The following ADGRG3 variants were observed in gnomAD, a reference collection of about 807,000 sequenced individuals.
The protein encoded by ADGRG3 is adhesion G protein-coupled receptor G3, also known as G protein-coupled receptor 97.
In ADGRG3, 39 loss-of-function variants were observed where a neutral mutation model predicts 54.3. The observed-to-expected ratio is 0.72, with a 90% CI of 0.56 to 0.94. The LOEUF (loss-of-function observed/expected upper bound fraction) is 0.94. Among genes scored for constraint, ADGRG3 ranks in the 40% least tolerant of loss-of-function variants. The probability of loss-of-function intolerance (pLI) is 0.00; values close to 1 mark genes in which losing one functional copy is unlikely to be tolerated. For missense variants in ADGRG3, 654 were observed against 694.6 expected (o/e 0.94, Z 0.66); for synonymous variants, 312 against 290.0 (o/e 1.08, Z -0.77).
At chr16:57,685,990 G>A (rs1440801932) in intron 11 of ADGRG3, 64 bp downstream of exon 11, 1 of 1,524,476 alleles carries the variant, frequency 6.6e-7, no homozygotes, top group South Asian at 1.2e-5. Flanking sequence ...ATTGGGAGGT[G>A]GGGAAGAGGG....
chr16:57,679,509 G>A (rs1253413192), intron 5 of ADGRG3, among the ~76,000 whole-genome samples, 198 bp downstream of exon 5: 6 of 152,096 alleles, frequency 3.9e-5, no homozygotes, highest in Non-Finnish European at 7.4e-5. Flanking sequence ...GACCTGGCAA[G>A]CCCACCTGCA....
chr16:57,668,662 GGGAGGTC>G (rs767912928), intron 1 of ADGRG3, among the ~76,000 whole-genome samples: 63 of 152,336 alleles, frequency 4.1e-4, no homozygotes, highest in Non-Finnish European at 8.7e-4. Context: ...CTGGAGATAG[GGGAGGTC>G]GGAGGGTGCT....
chr16:57,666,452 C>T (rs1490386155), upstream of ADGRG3, among the ~76,000 whole-genome samples: 1 of 152,180 alleles, frequency 6.6e-6, no homozygotes, highest in Admixed American at 6.5e-5. Flanking sequence ...GTGGGATCGC[C>T]CTTTCTGCCA....
chr16:57,678,292 C>T lies in ADGRG3; in HGVS notation c.468C>T (p.Asp156=), dbSNP rs775733262. The change falls in exon 4 of 12, where the codon GAC becomes GAT. Residue 156 remains aspartate, a synonymous_variant. Coordinates refer to ENST00000333493, the MANE Select transcript of ADGRG3 (RefSeq NM_170776.5). The part of the protein sequence containing the change: ...SVVRLAVTIL[D]IGPGTLFKGP... ...TCCGCTTGGCCGTCACCATTCTGGA[C>T]ATTGGTCCAGGGACTCTCTTCAAGG... The T allele has an allele frequency of 4.3e-6, 7 of 1,614,216 alleles. No homozygotes were observed. The South Asian group carries it at 5.5e-5, about 13-fold the overall frequency.
rs1278956455 is a variant in ADGRG3 at position 57,678,153 on chromosome 16, T to C, written c.346-17T>C. ...GGGGGTGGGTACAGATGGGAGCTGC[T>C]GTGTCTGTGGTTGTAGGTTCCGAGG... On this transcript the variant is annotated splice_polypyrimidine_tract_variant and intron_variant, in intron 3 of 11. Transcript: ENST00000333493. The C allele has an allele frequency of 1.9e-6, 3 of 1,613,422 alleles. No individual in the cohort carries two copies. The highest frequency in any genetic ancestry group is 2.5e-6 in the Non-Finnish European group (3 of 1,179,652).
chr16:57,684,730 A>T (rs542303016), intron 10 of ADGRG3, among the ~76,000 whole-genome samples: 5 of 152,326 alleles, frequency 3.3e-5, no homozygotes, highest in Admixed American at 2.6e-4. Context: ...AGGAGGCAGG[A>T]TGCCTTACTT....
intron 1 of ADGRG3, among the ~76,000 whole-genome samples, chr16:57,669,139 C>T (rs372328533): frequency 2.1e-4 from 32 of 152,308 alleles, no homozygotes; most frequent in African/African-American, 7.5e-4. Flanking sequence ...GGTGCTCCCC[C>T]GTTAGTGCTC....
rs115509180 is a variant in ADGRG3 at position 57,682,488 on chromosome 16, T to C, written c.882-1444T>C. The stretch of plus-strand genomic sequence containing the variant: ...CCCCTCACCCCCACCCTCCAAGCCC[T>C]GGCCTAGGACATGGTCCCCATCCCC... On this transcript the variant is annotated intron_variant, in intron 8 of 11. Transcript: ENST00000333493. The C allele has an allele frequency of 8.5e-3, 8,412 of 985,210 alleles. 410 individuals carry two copies. The East Asian group carries it at 0.18, about 22-fold the overall frequency. The allele number at this position is 985,210 out of a possible 1,614,324, so 61.0% of individuals were successfully genotyped here. A position where few individuals can be genotyped will look rare whatever the true frequency, so the allele number is the denominator to read the frequency against.
chr16:57,668,388 TCCTGCTCCC>T lies in ADGRG3; in HGVS notation c.42_50del (p.Leu15_Pro17del). 1 of 1,575,084 alleles carries T rather than the reference TCCTGCTCCC, an allele frequency of 6.3e-7. No individual in the cohort carries two copies. The highest frequency in any genetic ancestry group is 8.6e-7 in the Non-Finnish European group (1 of 1,168,032). On this transcript the variant is annotated inframe_deletion, in exon 1 of 12. Coordinates refer to ENST00000333493, the MANE Select transcript of ADGRG3 (RefSeq NM_170776.5). The stretch of plus-strand genomic sequence containing the variant: ...GGCCTGGGGGCCCTGCTCCTGCTCC[TCCTGCTCCC>T]GACCTCAGGTGAGTGGCTGGCACCT...
intron 8 of ADGRG3, among the ~76,000 whole-genome samples, chr16:57,683,016 C>T (rs954756939): frequency 6.6e-6 from 1 of 152,330 alleles, no homozygotes; most frequent in Non-Finnish European, 1.5e-5. Flanking sequence ...CAGTTCAGCT[C>T]AGGCTAAGGG....
At position 57,676,308 on chromosome 16, in the gene ADGRG3, A is replaced by C; in HGVS notation, c.315A>C (p.Glu105Asp). 6.2e-7 allele frequency: 1 copy of C among 1,614,194 alleles called. No individual in the cohort carries two copies. Among genetic ancestry groups the C allele is most frequent in the Non-Finnish European group, 8.5e-7 (1 of 1,180,016 alleles). ...LVQNLSTNTA[E>D]DFYFSLEPSQ... is the part of the protein sequence containing the mutation. ...AGAACCTCAGCACCAACACTGCAGA[A>C]GACTTCTATTTCTCTCTGGAGCCCT... Residue 105 changes from glutamate to aspartate, a missense_variant, in exon 3 of 12, where the codon GAA (glutamate) becomes GAC (aspartate). Glu to Asp is a conservative substitution (Grantham distance 45). Transcript: ENST00000333493.
At position 57,676,327 on chromosome 16, in the gene ADGRG3, G is replaced by T; in HGVS notation, c.334G>T (p.Glu112Ter). 1 of 1,614,124 alleles carries T rather than the reference G, an allele frequency of 6.2e-7. No individual in the cohort carries two copies. The change falls in exon 3 of 12, where the codon GAG becomes TAG. Residue 112 changes from glutamate to a stop codon, truncating the protein, a stop_gained. Transcript: ENST00000333493. LOFTEE classifies it high-confidence loss of function. The stretch of plus-strand genomic sequence containing the variant: ...TGCAGAAGACTTCTATTTCTCTCTG[G>T]AGCCCTCTCAGGTGAAGAGCTCCCC... Reference protein sequence around the residue: ...NTAEDFYFSLEPSQVPRQVMK... With the variant: ...NTAEDFYFSL
chr16:57,667,405 C>A (rs987008040), upstream of ADGRG3, among the ~76,000 whole-genome samples: 1 of 152,188 alleles, frequency 6.6e-6, no homozygotes, highest in Non-Finnish European at 1.5e-5. Context: ...GAGTGGCTGG[C>A]GCCCTAATTC....
chr16:57,682,645 A>G, intron 8 of ADGRG3: 1 of 985,256 alleles, frequency 1.0e-6, no homozygotes, highest in Non-Finnish European at 1.2e-6. Flanking sequence ...ACATGATCCC[A>G]GATGCTCCTC....
intron 2 of ADGRG3, among the ~76,000 whole-genome samples, chr16:57,674,243 C>T (rs189136714): frequency 3.6e-4 from 54 of 151,882 alleles, no homozygotes; most frequent in African/African-American, 1.1e-3. Flanking sequence ...GCATTGCGTG[C>T]TTGGAAAGGA....
At chr16:57,679,620 G>A (rs945249614) in intron 5 of ADGRG3, among the ~76,000 whole-genome samples, 196 bp from the exon 6 acceptor site, 2 of 152,022 alleles carry the variant, frequency 1.3e-5, no homozygotes, top group African/African-American at 4.8e-5. Flanking sequence ...CACCACAGTC[G>A]CACGCTTCAC....
rs2048349806 is a variant in ADGRG3 at position 57,680,574 on chromosome 16, A to G, written c.838A>G (p.Met280Val). The G allele has an allele frequency of 6.2e-7, 1 of 1,613,840 alleles. No homozygotes were observed. Among genetic ancestry groups the G allele is most frequent in the Non-Finnish European group, 8.5e-7 (1 of 1,179,878 alleles). ...CTCCCAGGCGGGCTGTGGGGTCTCC[A>G]TGATCTTCCTGGCCTTCACCATTAT... is the stretch of plus-strand genomic sequence containing the variant. ...RISQAGCGVS[M>V]IFLAFTIILY... Residue 280 changes from methionine to valine, a missense_variant, in exon 8 of 12, where the codon ATG becomes GTG. Met to Val is a conservative substitution (Grantham distance 21, BLOSUM62 1). Coordinates refer to ENST00000333493, the MANE Select transcript of ADGRG3 (RefSeq NM_170776.5).
At chr16:57,670,713 A>T (rs2048140479) in intron 1 of ADGRG3, among the ~76,000 whole-genome samples, 1 of 152,196 alleles carries the variant, frequency 6.6e-6, no homozygotes, top group African/African-American at 2.4e-5. Context: ...AACTATCTAA[A>T]ACGAATTATC....
intron 8 of ADGRG3, chr16:57,681,300 G>C (rs1237171931): frequency 1.3e-5 from 2 of 153,568 alleles, no homozygotes; most frequent in Non-Finnish European, 2.9e-5. Context: ...ACTTTGCTCA[G>C]TTTTCACCAT....
Sources: allele counts gnomAD v4.1 joint callset (sites outside exome capture counted in the v4.1 genomes callset), GRCh38; gene constraint gnomAD v4.1.1; transcripts MANE v1.5; gene names NCBI Gene and HGNC (gene_info 2026-07-23, HGNC 2026-07-21).